The following ACOX3 variants were observed in gnomAD, a reference collection of about 807,000 sequenced individuals.
ACOX3 encodes the protein peroxisomal acyl-coenzyme A oxidase 3.
ACOX3 carries 73 observed loss-of-function variants against 81.5 expected under a neutral mutation model. That is an observed-to-expected ratio of 0.90 (90% CI 0.74 to 1.09). ACOX3 has a LOEUF of 1.09. Among genes scored for constraint, ACOX3 ranks in the 50% least tolerant of loss-of-function variants. The pLI is 0.00. For missense variants in ACOX3, 947 were observed against 928.0 expected, an observed-to-expected ratio of 1.02 and a Z score of -0.27; for synonymous variants, 387 against 375.1, an observed-to-expected ratio of 1.03 and a Z score of -0.37.
chr4:8,440,275 T>C (rs2688247), intron 1 of ACOX3, among the ~76,000 whole-genome samples: 108,144 of 152,212 alleles, frequency 0.71, 39,266 homozygotes, highest in African/African-American at 0.86. Context: ...TAAACCTCTT[T>C]CTTCTTTAAT....
intron 13 of ACOX3, among the ~76,000 whole-genome samples, chr4:8,388,564 G>A (rs541073771): frequency 9.8e-5 from 15 of 152,342 alleles, no homozygotes; most frequent in South Asian, 4.1e-4. Flanking sequence ...CACAGACCCC[G>A]TGTGGGTGAG....
intron 17 of ACOX3, among the ~76,000 whole-genome samples, chr4:8,369,944 C>A (rs1715955509): frequency 6.6e-6 from 1 of 152,200 alleles, no homozygotes; most frequent in African/African-American, 2.4e-5. Context: ...ACAGACACAG[C>A]CCCATAAGCA....
chr4:8,371,504 G>A (rs958603026), intron 16 of ACOX3, among the ~76,000 whole-genome samples: 2 of 152,220 alleles, frequency 1.3e-5, no homozygotes, highest in Non-Finnish European at 2.9e-5. Flanking sequence ...AAATTTATAT[G>A]AGTGGACTCT....
rs1424948039 is a variant in ACOX3, at chr4:8,368,969, C to G, written c.1984-1889G>C. ...TGCTAGGATAACAGGTGTGAGCCAC[C>G]ATGCTCAGCCAGGAATGCACGTTTA... is the stretch of plus-strand genomic sequence containing the variant. On this transcript the variant is annotated intron_variant, in intron 17 of 17. Coordinates refer to ENST00000356406, the MANE Select transcript of ACOX3 (RefSeq NM_003501.3). The surrounding 1 kb of genome is among the most constrained non-coding windows in gnomAD (Gnocchi z 5.9). Among the ~76,000 whole-genome samples the G allele has an allele frequency of 6.6e-6, 1 of 152,160 alleles. No homozygotes were observed. Among genetic ancestry groups the G allele is most frequent in the Admixed American group, 6.5e-5 (1 of 15,284 alleles).
intron 1 of ACOX3, among the ~76,000 whole-genome samples, chr4:8,417,045 G>A (rs1310846035): frequency 6.6e-6 from 1 of 152,252 alleles, no homozygotes; most frequent in Non-Finnish European, 1.5e-5. Flanking sequence ...CAGAACCTCT[G>A]ATCACAGGCT....
rs760815442 is a variant in ACOX3, at chr4:8,414,282, T to TA, written c.543+9dup. 1 of 1,611,602 alleles carries TA rather than the reference T, an allele frequency of 6.2e-7. No homozygotes were observed. The highest frequency in any genetic ancestry group is 1.1e-5 in the South Asian group (1 of 91,038). On this transcript the variant is annotated intron_variant, in intron 5 of 17. Transcript: ENST00000356406. This position sits in a 1 kb window ranked among gnomAD's most constrained non-coding sequence, Gnocchi z 6.1. ...CCAAACTCAGGGACCCGGGGGAAGG[T>TA]AATACCTACCTCAGTGGCAGGATCG...
At chr4:8,402,474 G>A (rs1251415545) in intron 7 of ACOX3, among the ~76,000 whole-genome samples, 2 of 152,190 alleles carry the variant, frequency 1.3e-5, no homozygotes, top group Non-Finnish European at 2.9e-5. Context: ...GCCAAGGAAT[G>A]CCTTTTCCAG....
At chr4:8,435,550 G>A (rs1193115677) in intron 1 of ACOX3, among the ~76,000 whole-genome samples, 12 of 152,050 alleles carry the variant, frequency 7.9e-5, no homozygotes, top group Non-Finnish European at 1.3e-4. Flanking sequence ...ATGGCCCACC[G>A]AAGGAACTAC....
chr4:8,400,900 T>C lies in ACOX3; in HGVS notation c.777-1248A>G, dbSNP rs1418902839. Among the ~76,000 whole-genome samples the C allele has an allele frequency of 6.6e-6, 1 of 152,044 alleles. No individual in the cohort carries two copies. The highest frequency in any genetic ancestry group is 2.4e-5 in the African/African-American group (1 of 41,364). On this transcript the variant is annotated intron_variant, in intron 7 of 17. Coordinates refer to ENST00000356406, the MANE Select transcript of ACOX3 (RefSeq NM_003501.3). This position sits in a 1 kb window ranked among gnomAD's most constrained non-coding sequence, Gnocchi z 4.4. The stretch of plus-strand genomic sequence containing the variant: ...GCACTTTATTTCTATTATTATTACA[T>C]GGTAACACATAATGAAATGATTATA...
intron 15 of ACOX3, 140 bp from the exon 16 acceptor site, chr4:8,373,768 C>T (rs940531196): frequency 2.7e-6 from 2 of 734,960 alleles, no homozygotes; most frequent in Admixed American, 2.1e-5. Context: ...ATTGCTGTCC[C>T]CAGCCCAGAT....
intron 1 of ACOX3, chr4:8,439,246 C>G (rs1724443196): frequency 6.6e-6 from 1 of 152,174 alleles, no homozygotes; most frequent in Non-Finnish European, 1.5e-5. Context: ...CCATTGTACA[C>G]ATACTACTTA....
rs569550799 is a variant in ACOX3, at chr4:8,406,542, C to T, written c.688-499G>A. Among the ~76,000 whole-genome samples, 2,277 of 149,234 alleles carry T rather than the reference C, an allele frequency of 0.015. 50 individuals are homozygous for T. The highest frequency in any genetic ancestry group is 0.056 in the African/African-American group (2,168 of 38,818). ...ACCACTACCACCAAGACACGGAGAC[C>T]GGTAGTGGCCCCGAAGGCCAGGCTG... On this transcript the variant is annotated intron_variant, in intron 6 of 17. Coordinates refer to ENST00000356406, the MANE Select transcript of ACOX3 (RefSeq NM_003501.3). This position sits in a 1 kb window ranked among gnomAD's most constrained non-coding sequence, Gnocchi z 5.6.
rs756522035 is a variant in ACOX3, at chr4:8,407,299, T to C, written c.688-1256A>G. Among the ~76,000 whole-genome samples the C allele has an allele frequency of 6.6e-6, 1 of 152,280 alleles. No individual in the cohort carries two copies. The highest frequency in any genetic ancestry group is 1.5e-5 in the Non-Finnish European group (1 of 68,056). ...TTATTGATATTCATATATAATCATATCTAAGATCTATATCTGGTATTCTTA... is the reference window on the plus strand; with the variant it reads ...TTATTGATATTCATATATAATCATACCTAAGATCTATATCTGGTATTCTTA... On this transcript the variant is annotated intron_variant, in intron 6 of 17. Transcript: ENST00000356406. This position sits in a 1 kb window ranked among gnomAD's most constrained non-coding sequence, Gnocchi z 4.6.
chr4:8,365,180 T>C (rs557580715), downstream of ACOX3, among the ~76,000 whole-genome samples: 3 of 152,350 alleles, frequency 2.0e-5, no homozygotes, highest in Non-Finnish European at 4.4e-5. Context: ...CCGTGAGGCC[T>C]GTGGGTGGCA....
At chr4:8,412,439 A>AATGG (rs1386554976) in intron 5 of ACOX3, among the ~76,000 whole-genome samples, 2 of 152,156 alleles carry the variant, frequency 1.3e-5, no homozygotes, top group Non-Finnish European at 2.9e-5. Flanking sequence ...TGGAAGAATG[A>AATGG]ATGGATGGAT....
intron 1 of ACOX3, chr4:8,439,124 T>G (rs1724431991): frequency 6.6e-6 from 1 of 152,222 alleles, no homozygotes; most frequent in Non-Finnish European, 1.5e-5. Context: ...ATTCAATCTT[T>G]TTCCCAGGTA....
chr4:8,392,808 G>A (rs1383848115), intron 10 of ACOX3, among the ~76,000 whole-genome samples: 1 of 152,148 alleles, frequency 6.6e-6, no homozygotes, highest in Non-Finnish European at 1.5e-5. Context: ...ACCATGGAAG[G>A]TTGCAATTGT....
chr4:8,396,146 C>T (rs766458511), intron 9 of ACOX3, among the ~76,000 whole-genome samples: 3 of 152,206 alleles, frequency 2.0e-5, no homozygotes, highest in Non-Finnish European at 2.9e-5. Context: ...TCTCTGGGGA[C>T]GTGTAGGGCC....
At chr4:8,435,061 A>G (rs571242407) in intron 1 of ACOX3, among the ~76,000 whole-genome samples, 83 of 152,364 alleles carry the variant, frequency 5.4e-4, no homozygotes, top group African/African-American at 1.9e-3. Flanking sequence ...AAATTTCAAG[A>G]AGAAAAATAA....
Sources: gnomAD v4.1 joint callset for allele counts (sites outside exome capture counted in the v4.1 genomes callset) on GRCh38, gnomAD v4.1.1 for gene constraint, Gnocchi (gnomAD v3.1) non-coding constraint, MANE v1.5 for transcripts, NCBI Gene and HGNC (gene_info 2026-07-23, HGNC 2026-07-21) for gene names.